The following PAPSS2 variants were observed in gnomAD, a reference collection of about 807,000 sequenced individuals.
PAPSS2 encodes the protein 3'-phosphoadenosine 5'-phosphosulfate synthase 2.
In PAPSS2, 61 loss-of-function variants were observed where a neutral mutation model predicts 66.5. That is an observed-to-expected ratio of 0.92 (90% CI 0.75 to 1.14). The LOEUF (loss-of-function observed/expected upper bound fraction) is 1.14. Ranked by LOEUF, PAPSS2 falls within the 50% of genes most tolerant of loss-of-function variation. PAPSS2 has a pLI of 0.00. For missense variants in PAPSS2, 708 were observed against 789.6 expected (o/e 0.90, Z 1.24); for synonymous variants, 289 against 287.5 (o/e 1.01, Z -0.05).
At chr10:87,675,911 G>A (rs1209852982) in intron 1 of PAPSS2, among the ~76,000 whole-genome samples, 1 of 151,608 alleles carries the variant, frequency 6.6e-6, no homozygotes, top group African/African-American at 2.4e-5. Context: ...ACATGCCTGA[G>A]GGCCACCGGC....
intron 1 of PAPSS2, among the ~76,000 whole-genome samples, chr10:87,680,136 CCAAA>C (rs1434803491): frequency 6.6e-6 from 1 of 152,064 alleles, no homozygotes; most frequent in African/African-American, 2.4e-5. Flanking sequence ...GAGCGAGAAC[CCAAA>C]CAAATTAGCA....
At position 87,743,376 on chromosome 10, in the gene PAPSS2, C is replaced by T. The variant is rs557852751; in HGVS notation, c.1226C>T (p.Ala409Val). 6.6e-5 allele frequency: 107 copies of T among 1,613,534 alleles called. No homozygotes were observed. In the South Asian group the frequency reaches 9.8e-4, roughly 15 times the overall value. The part of the protein sequence containing the change: ...KQKCKEMNAD[A>V]VFAFQLRNPV... Reference sequence around the variant, plus strand: ...TTCTTCTGCTTTCCTCTCCCAGATGCGGTGTTTGCATTCCAGTTGCGCAAT... The same window carrying T: ...TTCTTCTGCTTTCCTCTCCCAGATGTGGTGTTTGCATTCCAGTTGCGCAAT... The change falls in exon 11 of 13, where the codon GCG becomes GTG. Residue 409 changes from alanine (A) to valine (V), a missense_variant. Coordinates refer to ENST00000456849, the MANE Select transcript of PAPSS2 (RefSeq NM_001015880.2).
At chr10:87,692,086 G>T (rs1853178506) in intron 1 of PAPSS2, among the ~76,000 whole-genome samples, 1 of 152,198 alleles carries the variant, frequency 6.6e-6, no homozygotes, top group Non-Finnish European at 1.5e-5. Flanking sequence ...ATGGCGTTTA[G>T]CTGAAATTTG....
intron 9 of PAPSS2, among the ~76,000 whole-genome samples, chr10:87,732,808 AT>A (rs1853745828): frequency 6.6e-6 from 1 of 152,180 alleles, no homozygotes. Flanking sequence ...GAATGGTGGC[AT>A]GACTTGTGTC....
At chr10:87,704,412 G>A in intron 1 of PAPSS2, among the ~76,000 whole-genome samples, 1 of 152,198 alleles carries the variant, frequency 6.6e-6, no homozygotes, top group East Asian at 1.9e-4. Flanking sequence ...GGAGTTTACT[G>A]TGGATCTCTG....
intron 1 of PAPSS2, among the ~76,000 whole-genome samples, chr10:87,683,092 TTC>T (rs1853043801): frequency 1.6e-5 from 2 of 128,622 alleles, no homozygotes; most frequent in South Asian, 2.7e-4. Flanking sequence ...TTTTTCTTTT[TTC>T]TTTTTTTTTT....
intron 1 of PAPSS2, among the ~76,000 whole-genome samples, chr10:87,704,414 G>A (rs1853356710): frequency 6.6e-6 from 1 of 152,144 alleles, no homozygotes. Flanking sequence ...AGTTTACTGT[G>A]GATCTCTGCC....
rs1058801 is a variant in PAPSS2 at position 87,746,116 on chromosome 10, A to C, written c.*146A>C. 1 of 597,872 alleles carries C rather than the reference A, an allele frequency of 1.7e-6. No individual in the cohort carries two copies. Among genetic ancestry groups the C allele is most frequent in the Non-Finnish European group, 2.8e-6 (1 of 356,972 alleles). The allele number at this position is 597,872 out of a possible 1,614,324, so 37.0% of individuals were successfully genotyped here. On this transcript the variant is annotated 3_prime_UTR_variant, in exon 13 of 13. Transcript: ENST00000456849. Reference sequence around the variant, plus strand: ...AAAGTTGTGTCTATAATTAAAAAAAAATATATATATATACACACACACATA... The same window carrying C: ...AAAGTTGTGTCTATAATTAAAAAAACATATATATATATACACACACACATA...
chr10:87,702,343 C>T (rs1853328924), intron 1 of PAPSS2, among the ~76,000 whole-genome samples: 1 of 152,190 alleles, frequency 6.6e-6, no homozygotes, highest in Admixed American at 6.5e-5. Flanking sequence ...TTCCCAATAT[C>T]TCTGAGCAGT....
chr10:87,713,018 A>G (rs1278751116), intron 2 of PAPSS2, 57 bp from the exon 3 acceptor site: 1 of 932,436 alleles, frequency 1.1e-6, no homozygotes, highest in Non-Finnish European at 1.8e-6. Flanking sequence ...TTAGTTCACA[A>G]TTTGTCATCT....
At position 87,709,324 on chromosome 10, in the gene PAPSS2, T is replaced by A; in HGVS notation, c.145+11T>A. ...CCGTGTGGCTAACAGGTATGTCATG[T>A]TCATATATATATATATATATACAAA... On this transcript the variant is annotated intron_variant, in intron 2 of 12. Transcript: ENST00000456849. 7.3e-7 allele frequency: 1 copy of A among 1,374,158 alleles called. No homozygotes were observed. The highest frequency in any genetic ancestry group is 1.0e-6 in the Non-Finnish European group (1 of 989,978). The allele number at this position is 1,374,158 out of a possible 1,614,324, so 85.1% of individuals were successfully genotyped here.
intron 8 of PAPSS2, among the ~76,000 whole-genome samples, chr10:87,723,432 G>A (rs1281027884): frequency 1.5e-5 from 2 of 132,240 alleles, no homozygotes; most frequent in Non-Finnish European, 3.5e-5. Flanking sequence ...TTTCCAGTGA[G>A]GAAACTGAGT....
At chr10:87,695,126 C>G (rs1475396294) in intron 1 of PAPSS2, among the ~76,000 whole-genome samples, 1 of 138,514 alleles carries the variant, frequency 7.2e-6, no homozygotes, top group Non-Finnish European at 1.5e-5. Flanking sequence ...AAATACCATA[C>G]CCTGGTGGCT....
intron 1 of PAPSS2, among the ~76,000 whole-genome samples, chr10:87,677,063 A>G (rs2131901246): frequency 6.6e-6 from 1 of 151,996 alleles, no homozygotes; most frequent in Admixed American, 6.6e-5. Flanking sequence ...GCATGGCAGC[A>G]CACTCCTGTA....
intron 9 of PAPSS2, among the ~76,000 whole-genome samples, chr10:87,737,667 A>T (rs536257583): frequency 3.7e-4 from 56 of 152,130 alleles, no homozygotes; most frequent in African/African-American, 1.3e-3. Context: ...CAAAAAAAAA[A>T]TTTTAAAATT....
chr10:87,706,736 G>T (rs1001303014), intron 1 of PAPSS2, among the ~76,000 whole-genome samples: 1 of 152,126 alleles, frequency 6.6e-6, no homozygotes, highest in East Asian at 1.9e-4. Flanking sequence ...TGCAGTCGGG[G>T]TGACAGAGTA....
At chr10:87,712,128 T>C (rs1220081509) in intron 2 of PAPSS2, among the ~76,000 whole-genome samples, 2 of 152,204 alleles carry the variant, frequency 1.3e-5, no homozygotes, top group Admixed American at 6.5e-5. Context: ...AACTCTTTTC[T>C]CATATAAAGA....
chr10:87,706,108 A>ATATATATATATGTGTGTG, intron 1 of PAPSS2, among the ~76,000 whole-genome samples: 4 of 52,002 alleles, frequency 7.7e-5, no homozygotes, highest in Admixed American at 2.0e-4. Context: ...ATATATATAT[A>ATATATATATATGTGTGTG]TGTGTGTGTG....
At chr10:87,670,576 G>GCACGCACACACA (rs1852864402) in intron 1 of PAPSS2, among the ~76,000 whole-genome samples, 1 of 149,632 alleles carries the variant, frequency 6.7e-6, no homozygotes, top group East Asian at 2.0e-4. Context: ...AAAAGATGGA[G>GCACGCACACACA]CACACACACA....
Sources: gnomAD v4.1 joint callset for allele counts (sites outside exome capture counted in the v4.1 genomes callset) on GRCh38, gnomAD v4.1.1 for gene constraint, MANE v1.5 for transcripts, NCBI Gene and HGNC (gene_info 2026-07-23, HGNC 2026-07-21) for gene names.